CFAP54: variants seen among roughly 807,000 people sequenced by gnomAD.
CFAP54 encodes cilia and flagella associated protein 54, also known as cilia- and flagella-associated protein 54.
CFAP54 carries 290 observed loss-of-function variants against 370.4 expected under a neutral mutation model. The ratio of observed to expected loss-of-function variants is 0.78; its 90% CI spans 0.71 to 0.86. CFAP54 has a LOEUF of 0.86. Among genes scored for constraint, CFAP54 ranks in the 40% least tolerant of loss-of-function variants. CFAP54 has a pLI of 0.00. For missense variants in CFAP54, 3,399 were observed against 3,528.7 expected (o/e 0.96, Z 0.93); for synonymous variants, 1,206 against 1,236.5 (o/e 0.98, Z 0.52).
chr12:96,754,898 C>T (rs1958235331), intron 56 of CFAP54, among the ~76,000 whole-genome samples: 1 of 152,092 alleles, frequency 6.6e-6, no homozygotes, highest in African/African-American at 2.4e-5. Context: ...CGTGCACCAC[C>T]ACACTTGGCT....
chr12:96,829,565 TTACATAG>T (rs1959164145), intron 66 of CFAP54, among the ~76,000 whole-genome samples: 1 of 152,140 alleles, frequency 6.6e-6, no homozygotes, highest in African/African-American at 2.4e-5. Context: ...CAGGTGCCAT[TTACATAG>T]CTAGATCTTT....
Position 96,594,350 on chromosome 12 carries a change from A to G in CFAP54, c.3420A>G (p.Leu1140=), listed in dbSNP as rs956826391. 11 of 1,534,600 alleles carry G rather than the reference A, an allele frequency of 7.2e-6. No individual in the cohort carries two copies. In the Admixed American group the frequency reaches 2.0e-4, roughly 27 times the overall value. Residue 1140 remains leucine, a synonymous_variant, in exon 25 of 68, where the codon CTA becomes CTG. Transcript: ENST00000524981. The stretch of plus-strand genomic sequence containing the variant: ...TGGCATTGGAACTTAGCAACTTCCT[A>G]AATGATTCCAGCTATGCCCTTCAAG... The part of the protein sequence containing the change: ...VLVALELSNF[L]NDSSYALQAV...
At position 96,742,422 on chromosome 12, in the gene CFAP54, A is replaced by G; in HGVS notation, c.7072-17A>G. The stretch of plus-strand genomic sequence containing the variant: ...ATTATTAAATGGAAAGATAACCATC[A>G]TTTTAATATTGTTTAGGTCACTGAA... On this transcript the variant is annotated splice_polypyrimidine_tract_variant and intron_variant, in intron 51 of 67. Transcript: ENST00000524981. 1.3e-6 allele frequency: 2 copies of G among 1,527,590 alleles called. No homozygotes were observed. Among genetic ancestry groups the G allele is most frequent in the Admixed American group, 1.7e-5 (1 of 58,750 alleles). The allele number at this position is 1,527,590 out of a possible 1,614,324, so 94.6% of individuals were successfully genotyped here.
At chr12:96,609,337 CAAAT>C (rs1956331362) in intron 26 of CFAP54, among the ~76,000 whole-genome samples, 1 of 152,040 alleles carries the variant, frequency 6.6e-6, no homozygotes, top group Non-Finnish European at 1.5e-5. Flanking sequence ...GTAAAGGAGA[CAAAT>C]AAGATTATAT....
At chr12:96,725,418 A>G (rs1263632981) in intron 50 of CFAP54, among the ~76,000 whole-genome samples, 1 of 152,066 alleles carries the variant, frequency 6.6e-6, no homozygotes, top group Non-Finnish European at 1.5e-5. Context: ...ATTCCTAAGT[A>G]TTTTATTCTC....
intron 58 of CFAP54, among the ~76,000 whole-genome samples, chr12:96,762,791 A>G (rs1276287676): frequency 6.7e-6 from 1 of 148,992 alleles, no homozygotes; most frequent in Admixed American, 6.7e-5. Flanking sequence ...TCTTTTTTTT[A>G]TCTTGGAATG....
At chr12:96,640,807 G>A (rs1024239737) in intron 32 of CFAP54, among the ~76,000 whole-genome samples, 1 of 152,042 alleles carries the variant, frequency 6.6e-6, no homozygotes, top group Non-Finnish European at 1.5e-5. Context: ...ACAAACCTGA[G>A]AAAAACAAGC....
chr12:96,501,214 AG>A (rs923890133), intron 2 of CFAP54: 1 of 273,302 alleles, frequency 3.7e-6, no homozygotes, highest in African/African-American at 2.2e-5. Flanking sequence ...AGGGTGTGGT[AG>A]GCACACAACA....
At chr12:96,791,184 CTTTTT>C (rs369132463) in intron 62 of CFAP54, among the ~76,000 whole-genome samples, 1 of 131,424 alleles carries the variant, frequency 7.6e-6, no homozygotes, top group Non-Finnish European at 1.6e-5. Flanking sequence ...TTGAAGAACG[CTTTTT>C]TTTTTTTTTT....
chr12:96,762,608 T>G (rs1190018542), intron 58 of CFAP54, among the ~76,000 whole-genome samples: 1 of 152,206 alleles, frequency 6.6e-6, no homozygotes, highest in Non-Finnish European at 1.5e-5. Flanking sequence ...GCTGGGTCAC[T>G]AGTTGGTCTT....
intron 39 of CFAP54, among the ~76,000 whole-genome samples, chr12:96,677,487 C>T (rs1664380990): frequency 6.6e-6 from 1 of 152,110 alleles, no homozygotes; most frequent in Admixed American, 6.6e-5. Context: ...GAGCAGAAAC[C>T]TACAATCTTC....
chr12:96,635,815 C>T lies in CFAP54; in HGVS notation c.4316+5164C>T, dbSNP rs569817803. On this transcript the variant is annotated intron_variant, in intron 32 of 67. Coordinates refer to ENST00000524981, the MANE Select transcript of CFAP54 (RefSeq NM_001306084.2). ...AATATAAAAGATACAAATGAATAGC[C>T]GCATCAGAAGGTACATACCAAGGGC... Among the ~76,000 whole-genome samples, 15 of 152,276 alleles carry T rather than the reference C, an allele frequency of 9.9e-5. 1 individual carries two copies. The highest frequency in any genetic ancestry group is 3.4e-3 in the Middle Eastern group (1 of 294).
At chr12:96,629,947 GAT>G in intron 30 of CFAP54, 144 bp from the exon 31 acceptor site, 1 of 415,626 alleles carries the variant, frequency 2.4e-6, no homozygotes, top group Non-Finnish European at 4.3e-6. Context: ...GCTGAACAGA[GAT>G]ATCACAGTCA....
At position 96,864,971 on chromosome 12, in the gene CFAP54, T is replaced by C. The variant is rs1311765485; in HGVS notation, c.*14+4019T>C. 3.3e-5 allele frequency among the ~76,000 whole-genome samples: 5 copies of C among 152,272 alleles called. No homozygotes were observed. In the East Asian group the frequency reaches 9.6e-4, roughly 29 times the overall value. ...TTAAATATTATTATTTATTTAATAT[T>C]ATCTATGTGTGCATAGGCTTGAACA... On this transcript the variant is annotated intron_variant, in intron 67 of 67. Coordinates refer to ENST00000524981, the MANE Select transcript of CFAP54 (RefSeq NM_001306084.2).
At chr12:96,810,686 T>G (rs1958921100) in intron 63 of CFAP54, among the ~76,000 whole-genome samples, 1 of 152,032 alleles carries the variant, frequency 6.6e-6, no homozygotes, top group Non-Finnish European at 1.5e-5. Flanking sequence ...TTGTGGGAAG[T>G]TATGGGAAGA....
chr12:96,554,385 A>G (rs7971858), intron 16 of CFAP54, 75 bp downstream of exon 16: 98,422 of 1,420,622 alleles, frequency 0.069, 4,165 homozygotes, highest in Non-Finnish European at 0.078. Context: ...AAAGTAGGTA[A>G]GTAAAGCATG....
chr12:96,769,035 G>A (rs1592751238), intron 60 of CFAP54, among the ~76,000 whole-genome samples: 1 of 152,170 alleles, frequency 6.6e-6, no homozygotes, highest in East Asian at 1.9e-4. Flanking sequence ...GATGCACCTA[G>A]TACAATTACT....
chr12:96,786,503 G>A (rs1958630234), intron 61 of CFAP54, among the ~76,000 whole-genome samples, 172 bp from the exon 62 acceptor site: 2 of 152,014 alleles, frequency 1.3e-5, no homozygotes, highest in Admixed American at 1.3e-4. Flanking sequence ...TCCTTCTGTG[G>A]CAAGAAACAA....
At position 96,591,155 on chromosome 12, in the gene CFAP54, C is replaced by A. The variant is rs1022022241; in HGVS notation, c.3213-1335C>A. Among the ~76,000 whole-genome samples the A allele has an allele frequency of 2.0e-5, 3 of 152,092 alleles. No homozygotes were observed. In the East Asian group the frequency reaches 5.8e-4, roughly 29 times the overall value. The stretch of plus-strand genomic sequence containing the variant: ...ATTGCTAGGGAAAGTGAAAGTATCA[C>A]CAAAGAGGGACTGGCCAGAGATATT... On this transcript the variant is annotated intron_variant, in intron 23 of 67. Coordinates refer to ENST00000524981, the MANE Select transcript of CFAP54 (RefSeq NM_001306084.2).
Sources: gnomAD v4.1 joint callset for allele counts (sites outside exome capture counted in the v4.1 genomes callset) on GRCh38, gnomAD v4.1.1 for gene constraint, MANE v1.5 for transcripts, NCBI Gene and HGNC (gene_info 2026-07-23, HGNC 2026-07-21) for gene names.